TCERG1: variants seen among roughly 807,000 people sequenced by gnomAD.
The protein encoded by TCERG1 is TATA box binding protein (TBP)-associated factor, RNA polymerase II, S, 150kD.
In TCERG1, 37 loss-of-function variants were observed where a neutral mutation model predicts 144.7. The ratio of observed to expected loss-of-function variants is 0.26; its 90% CI spans 0.20 to 0.34. TCERG1 has a LOEUF of 0.34. TCERG1 is among the 10% of genes least tolerant of loss of function. TCERG1 has a pLI of 1.00. For missense variants in TCERG1, 1,027 were observed against 1,380.7 expected, an observed-to-expected ratio of 0.74 and a Z score of 4.06; for synonymous variants, 492 against 458.2, an observed-to-expected ratio of 1.07 and a Z score of -0.94.
intron 9 of TCERG1, among the ~76,000 whole-genome samples, chr5:146,475,349 T>A (rs1241267178): frequency 6.6e-6 from 1 of 151,668 alleles, no homozygotes; most frequent in Non-Finnish European, 1.5e-5. Context: ...ATTGTGTAGA[T>A]CAGATGTTTT....
At chr5:146,451,319 CTTT>C (rs56346846) in intron 1 of TCERG1, among the ~76,000 whole-genome samples, 1 of 138,888 alleles carries the variant, frequency 7.2e-6, no homozygotes, top group Non-Finnish European at 1.5e-5. Context: ...ATCCATATTC[CTTT>C]TTTTTTTTTT....
intron 18 of TCERG1, 58 bp downstream of exon 18, chr5:146,503,597 G>C (rs1767678746): frequency 1.3e-6 from 2 of 1,566,646 alleles, no homozygotes; most frequent in South Asian, 1.2e-5. Context: ...TTGTGTTTAA[G>C]GGTATATGTT....
rs1762915534 is a variant in TCERG1, at chr5:146,457,355, T to C, written c.438+20T>C. 1 of 1,587,634 alleles carries C rather than the reference T, an allele frequency of 6.3e-7. No individual in the cohort carries two copies. The highest frequency in any genetic ancestry group is 1.1e-5 in the South Asian group (1 of 88,166). Reference sequence around the variant, plus strand: ...GGGAAGGTAAATAATAAAATATATTTAAGTTGTCATTTGTTGACAGAGGAG... The same window carrying C: ...GGGAAGGTAAATAATAAAATATATTCAAGTTGTCATTTGTTGACAGAGGAG... On this transcript the variant is annotated intron_variant, in intron 3 of 22. Transcript: ENST00000679501.
intron 17 of TCERG1, among the ~76,000 whole-genome samples, chr5:146,502,622 G>C (rs1247547096): frequency 6.6e-6 from 1 of 152,032 alleles, no homozygotes; most frequent in African/African-American, 2.4e-5. Context: ...TTTTAACTTG[G>C]TATTTCAGTT....
At chr5:146,496,108 C>T (rs377755126) in intron 16 of TCERG1, among the ~76,000 whole-genome samples, 6 of 152,128 alleles carry the variant, frequency 3.9e-5, no homozygotes, top group Admixed American at 2.0e-4. Context: ...GCCAAGATCG[C>T]GCCACTGGTT....
rs1323649662 is a variant in TCERG1 at position 146,511,779 on chromosome 5, A to G, written c.*1137A>G. On this transcript the variant is annotated 3_prime_UTR_variant, in exon 23 of 23. Transcript: ENST00000679501. ...GGTTTTTTTTGTTTTTGTCCTTTGT[A>G]TTAATGTATGATGGTTTGCGCCTTT... 1 of 152,074 alleles carries G rather than the reference A, an allele frequency of 6.6e-6. No homozygotes were observed. Among genetic ancestry groups the G allele is most frequent in the Non-Finnish European group, 1.5e-5 (1 of 68,010 alleles). 9.4% of individuals were successfully genotyped at this position (152,074 alleles called of 1,614,324 possible).
rs1355684321 is a variant in TCERG1 at position 146,478,616 on chromosome 5, C to T, written c.1725C>T (p.Pro575=). The T allele has an allele frequency of 6.2e-7, 1 of 1,602,312 alleles. No individual in the cohort carries two copies. The highest frequency in any genetic ancestry group is 1.1e-5 in the South Asian group (1 of 88,448). ...RADVDKIIQE[P]PHKKGMEELK... is the part of the protein sequence containing the mutation. The stretch of plus-strand genomic sequence containing the variant: ...ATGTTGACAAAATTATTCAGGAGCC[C>T]CCTCATAAAAAAGGAATGGAGGAAT... Residue 575 remains proline (P), a synonymous_variant, in exon 10 of 23, where the codon CCC becomes CCT. Coordinates refer to ENST00000679501, the MANE Select transcript of TCERG1 (RefSeq NM_001382548.1).
chr5:146,484,671 CTGTG>C (rs1561678848), intron 15 of TCERG1, among the ~76,000 whole-genome samples: 2 of 152,140 alleles, frequency 1.3e-5, no homozygotes, highest in African/African-American at 4.8e-5. Flanking sequence ...AAAACAAACT[CTGTG>C]TGAGTTTTTT....
Position 146,510,744 on chromosome 5 carries a change from T to A in TCERG1, c.*102T>A. 1.8e-6 allele frequency: 2 copies of A among 1,097,190 alleles called. No individual in the cohort carries two copies. The highest frequency in any genetic ancestry group is 2.5e-6 in the Non-Finnish European group (2 of 787,376). The allele number at this position is 1,097,190 out of a possible 1,614,324, so 68.0% of individuals were successfully genotyped here. A position where few individuals can be genotyped will look rare whatever the true frequency, so the allele number is the denominator to read the frequency against. ...CATTAGTCAACCTATTGCGAAACCA[T>A]CTGACAAACAGAAGGAGAAGCATTT... On this transcript the variant is annotated 3_prime_UTR_variant, in exon 23 of 23. Coordinates refer to ENST00000679501, the MANE Select transcript of TCERG1 (RefSeq NM_001382548.1).
At chr5:146,483,497 T>A (rs972320780) in intron 14 of TCERG1, 43 bp from the exon 15 acceptor site, 39 of 1,547,346 alleles carry the variant, frequency 2.5e-5, no homozygotes, top group Non-Finnish European at 3.4e-5. Flanking sequence ...TTTATATTTT[T>A]AGAGGAGACT....
chr5:146,468,237 A>C (rs1263483058), intron 5 of TCERG1, 104 bp from the exon 6 acceptor site: 1 of 932,256 alleles, frequency 1.1e-6, no homozygotes, highest in African/African-American at 1.7e-5. Flanking sequence ...TTTTCATTGG[A>C]AATAGCATTC....
At chr5:146,502,474 A>G (rs910044653) in intron 17 of TCERG1, among the ~76,000 whole-genome samples, 2 of 152,196 alleles carry the variant, frequency 1.3e-5, no homozygotes, top group Non-Finnish European at 1.5e-5. Flanking sequence ...GCCCTCAGAC[A>G]TACATAAAAA....
intron 16 of TCERG1, 48 bp from the exon 17 acceptor site, chr5:146,498,488 C>G: frequency 6.4e-7 from 1 of 1,556,408 alleles, no homozygotes; most frequent in Non-Finnish European, 8.7e-7. Flanking sequence ...TGCCTTTATA[C>G]AAGCAGAAGT....
intron 1 of TCERG1, among the ~76,000 whole-genome samples, chr5:146,454,037 C>CAAA: frequency 7.7e-6 from 1 of 129,854 alleles, no homozygotes; most frequent in East Asian, 3.2e-4. Flanking sequence ...TACTCAAATA[C>CAAA]AAAAAAAAAA....
chr5:146,453,900 A>G (rs1022660610), intron 1 of TCERG1, among the ~76,000 whole-genome samples: 2 of 152,090 alleles, frequency 1.3e-5, no homozygotes, highest in Non-Finnish European at 2.9e-5. Context: ...CCCCCTTTTA[A>G]TAGAACATTC....
At chr5:146,455,348 T>A in intron 2 of TCERG1, 67 bp downstream of exon 2, 1 of 1,537,630 alleles carries the variant, frequency 6.5e-7, no homozygotes, top group Non-Finnish European at 8.9e-7. Flanking sequence ...GGGTTTTGAG[T>A]TAAAAACTTA....
At chr5:146,502,478 A>G (rs1193144940) in intron 17 of TCERG1, among the ~76,000 whole-genome samples, 3 of 152,228 alleles carry the variant, frequency 2.0e-5, no homozygotes, top group African/African-American at 7.2e-5. Flanking sequence ...TCAGACATAC[A>G]TAAAAATAAC....
Position 146,489,327 on chromosome 5 carries a change from A to G in TCERG1, c.2164-3593A>G, listed in dbSNP as rs533162376. ...ATTGAAACACAGTAACCCCATGAATATGTACAATTATTATTTGTCAATTAA... is the reference window on the plus strand; with the variant it reads ...ATTGAAACACAGTAACCCCATGAATGTGTACAATTATTATTTGTCAATTAA... On this transcript the variant is annotated intron_variant, in intron 15 of 22. Coordinates refer to ENST00000679501, the MANE Select transcript of TCERG1 (RefSeq NM_001382548.1). 1.9e-3 allele frequency among the ~76,000 whole-genome samples: 296 copies of G among 152,302 alleles called. 4 individuals carry two copies. The highest frequency in any genetic ancestry group is 6.9e-3 in the African/African-American group (288 of 41,580).
chr5:146,498,311 T>A (rs75766943), intron 16 of TCERG1, among the ~76,000 whole-genome samples: 9,632 of 151,988 alleles, frequency 0.063, 419 homozygotes, highest in Non-Finnish European at 0.085. Flanking sequence ...AATAATAATA[T>A]TTATTCTCCT....
Sources: allele counts gnomAD v4.1 joint callset (sites outside exome capture counted in the v4.1 genomes callset), GRCh38; gene constraint gnomAD v4.1.1; transcripts MANE v1.5; gene names NCBI Gene and HGNC (gene_info 2026-07-23, HGNC 2026-07-21).